Variants in KLRG1 observed in about 807,000 individuals in gnomAD.
KLRG1 encodes the protein killer cell lectin like receptor G1.
KLRG1 carries 16 observed loss-of-function variants against 21.8 expected under a neutral mutation model. The ratio of observed to expected loss-of-function variants is 0.73; its 90% CI spans 0.50 to 1.11. The LOEUF is 1.11. KLRG1 is among the 50% of genes most tolerant of loss of function. KLRG1 has a pLI of 0.00. For missense variants in KLRG1, 173 were observed against 218.3 expected (o/e 0.79, Z 1.31); for synonymous variants, 69 against 75.9 (o/e 0.91, Z 0.47).
At chr12:9,204,058 A>G in the KLRG1 span, 1 of 1,147,080 alleles carries the variant, frequency 8.7e-7, no homozygotes. Flanking sequence ...AATCAGTTTT[A>G]TTCTAAAAGT....
the KLRG1 span, among the ~76,000 whole-genome samples, chr12:9,178,522 A>C: frequency 3.3e-5 from 5 of 152,200 alleles, no homozygotes; most frequent in South Asian, 1.0e-3. Context: ...TCCCCACTTG[A>C]TAAGGAAAGA....
intron 1 of KLRG1, among the ~76,000 whole-genome samples, chr12:8,982,648 T>TC (rs1217043362): frequency 6.6e-6 from 1 of 150,974 alleles, no homozygotes; most frequent in East Asian, 1.9e-4. Flanking sequence ...CAATATCTTT[T>TC]TTTTTTTTTT....
the KLRG1 span, chr12:9,157,669 A>G: frequency 9.1e-7 from 1 of 1,104,970 alleles, no homozygotes; most frequent in Admixed American, 2.0e-5. Context: ...TCATCATTGA[A>G]CCAAAAGATA....
At chr12:9,140,637 G>GA in the KLRG1 span, among the ~76,000 whole-genome samples, 5 of 152,304 alleles carry the variant, frequency 3.3e-5, no homozygotes, top group South Asian at 2.1e-4. Context: ...AGGAATCTGA[G>GA]ATAAGGCCTT....
chr12:9,157,337 C>T, the KLRG1 span: 3 of 1,613,536 alleles, frequency 1.9e-6, no homozygotes, highest in African/African-American at 2.7e-5. Context: ...CAGAACAGGG[C>T]ATTGCGAACA....
At chr12:9,189,331 C>G in the KLRG1 span, among the ~76,000 whole-genome samples, 184 of 152,186 alleles carry the variant, frequency 1.2e-3, no homozygotes, top group Middle Eastern at 0.014. Flanking sequence ...ATGCAGAGAC[C>G]ATAAATAATG....
chr12:9,037,685 C>T, the KLRG1 span, among the ~76,000 whole-genome samples: 9 of 152,154 alleles, frequency 5.9e-5, no homozygotes, highest in East Asian at 5.8e-4. Context: ...AGAGCCCTAT[C>T]GAGGTGTACC....
At chr12:9,024,268 C>T in the KLRG1 span, among the ~76,000 whole-genome samples, 1 of 151,888 alleles carries the variant, frequency 6.6e-6, no homozygotes, top group Non-Finnish European at 1.5e-5. Flanking sequence ...CTCAGGTGAT[C>T]CGCCCACCTC....
At chr12:9,152,417 T>C in the KLRG1 span, 1 of 814,118 alleles carries the variant, frequency 1.2e-6, no homozygotes, top group Non-Finnish European at 2.1e-6. Flanking sequence ...AAGTTGTCCC[T>C]AATATTCTAC....
At chr12:9,190,391 T>C in the KLRG1 span, among the ~76,000 whole-genome samples, 7 of 152,106 alleles carry the variant, frequency 4.6e-5, no homozygotes, top group Non-Finnish European at 8.8e-5. Flanking sequence ...CAAAATAATG[T>C]AGGAACAGAA....
chr12:8,998,688 CA>C (rs201443520), intron 3 of KLRG1, among the ~76,000 whole-genome samples: 7,573 of 129,336 alleles, frequency 0.059, 599 homozygotes, highest in African/African-American at 0.19. Flanking sequence ...GACTCTGTCT[CA>C]AAAAAAAAAA....
the KLRG1 span, chr12:9,194,304 C>A: frequency 6.8e-7 from 1 of 1,474,866 alleles, no homozygotes; most frequent in Non-Finnish European, 9.3e-7. Context: ...CTCATGTGAA[C>A]AAATGCTTTT....
chr12:9,202,462 G>T, the KLRG1 span: 2 of 1,612,182 alleles, frequency 1.2e-6, no homozygotes, highest in Non-Finnish European at 1.7e-6. Flanking sequence ...GGATAATGGA[G>T]ACTTTGGCTG....
At position 9,009,394 on chromosome 12, in the gene KLRG1, C is replaced by G. The variant is rs111469707; in HGVS notation, c.459-32C>G. Reference sequence around the variant, plus strand: ...TCAACTCCTTTTCTGTGCATGCGGCCTTAAGTGATTGACTTTTCTGATTTC... The same window carrying G: ...TCAACTCCTTTTCTGTGCATGCGGCGTTAAGTGATTGACTTTTCTGATTTC... On this transcript the variant is annotated intron_variant, in intron 4 of 4. Transcript: ENST00000356986. The G allele has an allele frequency of 3.0e-4, 483 of 1,612,494 alleles. 2 individuals carry two copies. The African/African-American group carries it at 5.9e-3, about 20-fold the overall frequency.
At chr12:9,097,578 TC>T in the KLRG1 span, among the ~76,000 whole-genome samples, 7 of 151,976 alleles carry the variant, frequency 4.6e-5, no homozygotes, top group Non-Finnish European at 1.0e-4. Context: ...ATACATATGT[TC>T]CCTCAGAAAT....
chr12:9,093,621 A>C, the KLRG1 span: 1 of 1,151,682 alleles, frequency 8.7e-7, no homozygotes, highest in Non-Finnish European at 1.2e-6. Context: ...AAACATACAG[A>C]TAAAGCTTAT....
the KLRG1 span, among the ~76,000 whole-genome samples, chr12:9,175,965 G>A: frequency 1.3e-5 from 2 of 152,142 alleles, no homozygotes; most frequent in Non-Finnish European, 2.9e-5. Flanking sequence ...TGGGTGTATA[G>A]CCATAGGAAT....
the KLRG1 span, chr12:9,196,423 T>C: frequency 6.2e-7 from 1 of 1,612,308 alleles, no homozygotes; most frequent in Non-Finnish European, 8.5e-7. Flanking sequence ...TGATCCTGTT[T>C]GCAGTGACTT....
chr12:9,197,603 ATATATAT>A, the KLRG1 span, among the ~76,000 whole-genome samples: 11 of 102,460 alleles, frequency 1.1e-4, no homozygotes, highest in African/African-American at 3.6e-4. Context: ...TATAAATATA[ATATATAT>A]TATATATTTA....
Sources: gnomAD v4.1 joint callset for allele counts (sites outside exome capture counted in the v4.1 genomes callset) on GRCh38, gnomAD v4.1.1 for gene constraint, MANE v1.5 for transcripts, NCBI Gene and HGNC (gene_info 2026-07-23, HGNC 2026-07-21) for gene names.